GRM7: variants seen among roughly 807,000 people sequenced by gnomAD.
GRM7 encodes the protein glutamate metabotropic receptor 7, also known as metabotropic glutamate receptor 7.
A neutral mutation model predicts 84.5 loss-of-function variants in GRM7; 35 were observed. The ratio of observed to expected loss-of-function variants is 0.41; its 90% confidence interval spans 0.32 to 0.55. The LOEUF (loss-of-function observed/expected upper bound fraction) is 0.55. Ranked by LOEUF, GRM7 falls within the 20% of genes least tolerant of loss-of-function variation. The probability of loss-of-function intolerance (pLI) is 0.19; values close to 1 mark genes in which losing one functional copy is unlikely to be tolerated. For missense variants in GRM7, 1,003 were observed against 1,194.6 expected (o/e 0.84, Z 2.36); for synonymous variants, 487 against 455.1 (o/e 1.07, Z -0.89).
intron 1 of GRM7, among the ~76,000 whole-genome samples, chr3:7,124,376 C>T (rs1300254349): frequency 1.3e-5 from 2 of 152,166 alleles, no homozygotes; most frequent in South Asian, 2.1e-4. Flanking sequence ...CATGGTGGCT[C>T]ACGCTTGTAA....
chr3:6,940,662 AAATTC>A (rs1261520508), intron 1 of GRM7, among the ~76,000 whole-genome samples: 3 of 150,410 alleles, frequency 2.0e-5, no homozygotes, highest in Non-Finnish European at 4.5e-5. Context: ...GTATCAAATT[AAATTC>A]AATCCAAGTT....
intron 2 of GRM7, among the ~76,000 whole-genome samples, chr3:7,150,886 A>G (rs1357279833): frequency 1.3e-5 from 2 of 152,200 alleles, no homozygotes; most frequent in African/African-American, 2.4e-5. Context: ...AAGACTAAGG[A>G]CTACATATAT....
chr3:7,406,098 C>T lies in GRM7; in HGVS notation c.1034-8925C>T, dbSNP rs188437256. Among the ~76,000 whole-genome samples, 19 of 152,202 alleles carry T rather than the reference C, an allele frequency of 1.2e-4. No homozygotes were observed. In the East Asian group the frequency reaches 2.7e-3, roughly 22 times the overall value. On this transcript the variant is annotated intron_variant, in intron 4 of 9. Coordinates refer to ENST00000357716, the MANE Select transcript of GRM7 (RefSeq NM_000844.4). ...CTTTCTGTAGTCTGATGGCTGCATA[C>T]TACTTCAACACATGTATTTAATCAT...
chr3:7,692,973 C>G (rs563410917), intron 9 of GRM7, among the ~76,000 whole-genome samples: 13 of 150,142 alleles, frequency 8.7e-5, no homozygotes, highest in Non-Finnish European at 1.8e-4. Context: ...ATCTTTCTTT[C>G]TTTCTTTTTT....
intron 2 of GRM7, among the ~76,000 whole-genome samples, chr3:7,287,708 G>C (rs1013730914): frequency 6.6e-6 from 1 of 152,070 alleles, no homozygotes; most frequent in Admixed American, 6.6e-5. Context: ...CATACATACC[G>C]ATAAATAGCA....
At chr3:7,095,344 C>T (rs1164403574) in intron 1 of GRM7, among the ~76,000 whole-genome samples, 1 of 152,138 alleles carries the variant, frequency 6.6e-6, no homozygotes, top group Non-Finnish European at 1.5e-5. Flanking sequence ...ATACTTCCTA[C>T]TTTCTTTTTC....
intron 7 of GRM7, among the ~76,000 whole-genome samples, 186 bp downstream of exon 7, chr3:7,461,908 G>A (rs967689839): frequency 3.9e-5 from 6 of 152,140 alleles, no homozygotes; most frequent in African/African-American, 1.2e-4. Flanking sequence ...GATGGGAAAT[G>A]TGCATTGAGT....
At chr3:7,310,775 G>C (rs1372360930) in intron 4 of GRM7, among the ~76,000 whole-genome samples, 1 of 152,102 alleles carries the variant, frequency 6.6e-6, no homozygotes, top group Non-Finnish European at 1.5e-5. Flanking sequence ...ATGGTTGAAA[G>C]CTTCTTCAGG....
intron 1 of GRM7, among the ~76,000 whole-genome samples, chr3:7,097,367 C>T (rs1180120538): frequency 1.3e-5 from 2 of 152,112 alleles, no homozygotes; most frequent in Non-Finnish European, 2.9e-5. Flanking sequence ...ATACTAGTTT[C>T]TTGTAACAAT....
At chr3:6,888,190 A>C (rs1454089591) in intron 1 of GRM7, among the ~76,000 whole-genome samples, 13 of 151,550 alleles carry the variant, frequency 8.6e-5, no homozygotes, top group African/African-American at 3.1e-4. Flanking sequence ...TTGCCTGTTC[A>C]CTCTGATGGT....
chr3:7,726,613 C>CTATATATATATATA (rs56250356), intron 9 of GRM7, among the ~76,000 whole-genome samples: 12 of 58,092 alleles, frequency 2.1e-4, no homozygotes, highest in South Asian at 6.3e-4. Context: ...CTCTCTCCCT[C>CTATATATATATATA]TATATATATA....
At chr3:7,152,787 G>A (rs934670893) in intron 2 of GRM7, among the ~76,000 whole-genome samples, 7 of 152,116 alleles carry the variant, frequency 4.6e-5, no homozygotes, top group African/African-American at 1.7e-4. Flanking sequence ...AATTAATAGA[G>A]GATCACTAAT....
intron 4 of GRM7, among the ~76,000 whole-genome samples, chr3:7,378,178 C>G (rs1349482036): frequency 6.6e-6 from 1 of 152,114 alleles, no homozygotes; most frequent in African/African-American, 2.4e-5. Context: ...ACAATACACT[C>G]CTAGATTTCT....
In GRM7 at chr3:7,039,956, A is replaced by G. The variant is rs143807671; in HGVS notation, c.520-106496A>G. ...AATGATGATTTTTGCCGAGTTCAGA[A>G]CTGTATCTTTTGTACTCGGCACCTA... On this transcript the variant is annotated intron_variant, in intron 1 of 9. Transcript: ENST00000357716. Among the ~76,000 whole-genome samples the G allele has an allele frequency of 1.8e-3, 267 of 152,244 alleles. 4 individuals carry two copies. The East Asian group carries it at 0.026, about 15-fold the overall frequency.
chr3:7,221,804 A>ATTTTTTTTTT (rs540956206), intron 2 of GRM7, among the ~76,000 whole-genome samples: 94 of 97,350 alleles, frequency 9.7e-4, no homozygotes, highest in Non-Finnish European at 1.2e-3. Context: ...AATTTCTTGT[A>ATTTTTTTTTT]TTTTTTTTTT....
chr3:7,433,480 T>A (rs567278923), intron 5 of GRM7, among the ~76,000 whole-genome samples: 1 of 152,286 alleles, frequency 6.6e-6, no homozygotes, highest in East Asian at 1.9e-4. Flanking sequence ...TAAGCTATCC[T>A]GTCATTTTTG....
At chr3:7,172,999 A>T (rs1032709352) in intron 2 of GRM7, among the ~76,000 whole-genome samples, 1 of 152,128 alleles carries the variant, frequency 6.6e-6, no homozygotes, top group African/African-American at 2.4e-5. Flanking sequence ...ACACCTATAT[A>T]TTACTATATA....
Position 7,169,643 on chromosome 3 carries a change from G to A in GRM7, c.736+22975G>A, listed in dbSNP as rs1056724420. Among the ~76,000 whole-genome samples the A allele has an allele frequency of 2.0e-5, 3 of 152,200 alleles. No homozygotes were observed. In the East Asian group the frequency reaches 5.8e-4, roughly 29 times the overall value. On this transcript the variant is annotated intron_variant, in intron 2 of 9. Coordinates refer to ENST00000357716, the MANE Select transcript of GRM7 (RefSeq NM_000844.4). Reference sequence around the variant, plus strand: ...TAGCTTCATCTTACATATGCTCCTTGGGGAGAGAGCTTCTTTGTTTTCATC... The same window carrying A: ...TAGCTTCATCTTACATATGCTCCTTAGGGAGAGAGCTTCTTTGTTTTCATC...
intron 1 of GRM7, among the ~76,000 whole-genome samples, chr3:7,057,190 A>T (rs1270212810): frequency 1.3e-5 from 2 of 151,928 alleles, no homozygotes; most frequent in Admixed American, 1.3e-4. Context: ...TTTTCAATTA[A>T]CATATGGCTT....
Sources: gnomAD v4.1 joint callset for allele counts (sites outside exome capture counted in the v4.1 genomes callset) on GRCh38, gnomAD v4.1.1 for gene constraint, MANE v1.5 for transcripts, NCBI Gene and HGNC (gene_info 2026-07-23, HGNC 2026-07-21) for gene names.